PLEKHG1: variants seen among roughly 807,000 people sequenced by gnomAD.
PLEKHG1 encodes pleckstrin homology and RhoGEF domain containing G1.
In PLEKHG1, 44 loss-of-function variants were observed where a neutral mutation model predicts 100.8. The ratio of observed to expected loss-of-function variants is 0.44; its 90% CI spans 0.34 to 0.56. The LOEUF (loss-of-function observed/expected upper bound fraction) is 0.56, where lower values mean the gene tolerates loss of function less well. Among genes scored for constraint, PLEKHG1 ranks in the 20% least tolerant of loss-of-function variants. The pLI, the probability that PLEKHG1 is intolerant of heterozygous loss-of-function variation, is 0.01. For missense variants in PLEKHG1, 1,545 were observed against 1,720.9 expected, an observed-to-expected ratio of 0.90 and a Z score of 1.81; for synonymous variants, 640 against 662.5, an observed-to-expected ratio of 0.97 and a Z score of 0.52.
intron 2 of PLEKHG1, among the ~76,000 whole-genome samples, chr6:150,737,447 G>A (rs866147802): frequency 3.3e-5 from 5 of 151,006 alleles, no homozygotes; most frequent in Admixed American, 2.6e-4. Flanking sequence ...GCCCGCCACC[G>A]CCCCCGGCTA....
chr6:150,826,364 A>G (rs1458397181), intron 14 of PLEKHG1, among the ~76,000 whole-genome samples: 2 of 152,178 alleles, frequency 1.3e-5, no homozygotes, highest in Non-Finnish European at 2.9e-5. Context: ...AGGCTGAGGC[A>G]GGAGAATCAC....
chr6:150,827,863 A>T lies in PLEKHG1; in HGVS notation c.1471-2719A>T, dbSNP rs1046269249. The T allele has an allele frequency of 9.9e-5, 144 of 1,454,668 alleles. 5 individuals are homozygous for T. In the South Asian group the frequency reaches 1.6e-3, roughly 16 times the overall value. 90.1% of individuals were successfully genotyped at this position (1,454,668 alleles called of 1,614,324 possible). ...CACGAAGGCGAGTTTAATGAGGAGG[A>T]TGAATGTGCTATTGAAATGTACAGA... On this transcript the variant is annotated intron_variant, in intron 14 of 15. Transcript: ENST00000358517.
chr6:150,739,029 T>G (rs2128621003), intron 2 of PLEKHG1, among the ~76,000 whole-genome samples: 1 of 152,134 alleles, frequency 6.6e-6, no homozygotes, highest in Non-Finnish European at 1.5e-5. Flanking sequence ...AGGGGTAGGG[T>G]GGGTGTCTTT....
At chr6:150,676,800 G>A (rs1161174397) in intron 3 of PLEKHG1, among the ~76,000 whole-genome samples, 1 of 152,092 alleles carries the variant, frequency 6.6e-6, no homozygotes, top group Non-Finnish European at 1.5e-5. Flanking sequence ...ATTTTCCTGA[G>A]TCACCCACCA....
At chr6:150,806,685 G>A (rs782660) in intron 7 of PLEKHG1, among the ~76,000 whole-genome samples, 43,330 of 150,026 alleles carry the variant, frequency 0.29, 6,302 homozygotes, top group Middle Eastern at 0.34. Context: ...AAAATTAGCC[G>A]GGCGTGGTGG....
intron 3 of PLEKHG1, among the ~76,000 whole-genome samples, chr6:150,672,844 G>A (rs1277207104): frequency 6.6e-6 from 1 of 152,198 alleles, no homozygotes; most frequent in African/African-American, 2.4e-5. Context: ...CAGGTAGACT[G>A]AAAGCATGAG....
At chr6:150,612,045 T>TTC (rs1491263507) in intron 1 of PLEKHG1, among the ~76,000 whole-genome samples, 152 of 77,150 alleles carry the variant, frequency 2.0e-3, no homozygotes, top group Non-Finnish European at 3.0e-3. Flanking sequence ...CTGGTGTTGT[T>TTC]CCCCCCCCCC....
intron 2 of PLEKHG1, among the ~76,000 whole-genome samples, chr6:150,639,486 A>T (rs1778158193): frequency 6.6e-6 from 1 of 152,116 alleles, no homozygotes; most frequent in Non-Finnish European, 1.5e-5. Context: ...CTAGAACACT[A>T]GAATTTATTC....
chr6:150,787,273 A>T (rs1323890477), intron 4 of PLEKHG1, among the ~76,000 whole-genome samples: 1 of 152,176 alleles, frequency 6.6e-6, no homozygotes, highest in African/African-American at 2.4e-5. Context: ...AAGCTGCATC[A>T]GTGGTTTCGA....
At chr6:150,694,713 A>T (rs1054061793) in intron 3 of PLEKHG1, among the ~76,000 whole-genome samples, 1 of 150,578 alleles carries the variant, frequency 6.6e-6, no homozygotes, top group Non-Finnish European at 1.5e-5. Flanking sequence ...AAAAAAAAAT[A>T]AAAATAAAAA....
intron 3 of PLEKHG1, among the ~76,000 whole-genome samples, chr6:150,777,800 A>T (rs1785075607): frequency 6.6e-6 from 1 of 152,114 alleles, no homozygotes; most frequent in Admixed American, 6.5e-5. Flanking sequence ...GCGGTTGCAC[A>T]TCAGCCACAC....
intron 3 of PLEKHG1, among the ~76,000 whole-genome samples, chr6:150,692,191 T>G (rs898980229): frequency 6.6e-5 from 10 of 152,340 alleles, no homozygotes; most frequent in Middle Eastern, 3.4e-3. Context: ...GTTTGTTGTG[T>G]TTATGTACTG....
At chr6:150,795,592 C>A (rs1031287685) in intron 4 of PLEKHG1, among the ~76,000 whole-genome samples, 7 of 151,482 alleles carry the variant, frequency 4.6e-5, no homozygotes, top group African/African-American at 1.7e-4. Context: ...CATGGTGGCG[C>A]ATTCCTGTAA....
intron 2 of PLEKHG1, among the ~76,000 whole-genome samples, chr6:150,752,591 C>T (rs1382305838): frequency 1.3e-5 from 2 of 152,210 alleles, no homozygotes; most frequent in East Asian, 3.9e-4. Context: ...TTCCAAGGTT[C>T]ATTCATGTTG....
At chr6:150,776,914 T>C (rs1157996929) in intron 3 of PLEKHG1, among the ~76,000 whole-genome samples, 6 of 149,362 alleles carry the variant, frequency 4.0e-5, no homozygotes, top group Admixed American at 6.7e-5. Flanking sequence ...GCAATCCTGG[T>C]GCACATGTGC....
At chr6:150,809,681 C>T (rs573960535) in exon 10 of PLEKHG1, 1 of 1,614,070 alleles carries the variant, frequency 6.2e-7, no homozygotes, top group South Asian at 1.1e-5. Context: ...CCTCTGGGTT[C>T]TGCACCTAAA....
intron 7 of PLEKHG1, among the ~76,000 whole-genome samples, chr6:150,805,142 T>G (rs1214330157): frequency 6.6e-6 from 1 of 151,522 alleles, no homozygotes. Context: ...TCCATGTTGG[T>G]CAGGCTGGTC....
intron 5 of PLEKHG1, among the ~76,000 whole-genome samples, chr6:150,796,669 A>G (rs1786351982): frequency 6.6e-6 from 1 of 151,996 alleles, no homozygotes; most frequent in Non-Finnish European, 1.5e-5. Flanking sequence ...GATTTTTTTT[A>G]AGCAGAGCAC....
At chr6:150,771,571 A>T (rs1160795048) in intron 3 of PLEKHG1, among the ~76,000 whole-genome samples, 1 of 151,666 alleles carries the variant, frequency 6.6e-6, no homozygotes. Flanking sequence ...TTTGAGGCAG[A>T]GTTTCACTGT....
Sources: gnomAD v4.1 joint callset for allele counts (sites outside exome capture counted in the v4.1 genomes callset) on GRCh38, gnomAD v4.1.1 for gene constraint, MANE v1.5 for transcripts, NCBI Gene and HGNC (gene_info 2026-07-23, HGNC 2026-07-21) for gene names.